The following TPST1 variants were observed in gnomAD, a reference collection of about 807,000 sequenced individuals.
TPST1 encodes protein-tyrosine sulfotransferase 1.
A neutral mutation model predicts 34.8 loss-of-function variants in TPST1; 20 were observed. The ratio of observed to expected loss-of-function variants is 0.57; its 90% confidence interval spans 0.40 to 0.84. The LOEUF is 0.84. Ranked by LOEUF, TPST1 falls within the 40% of genes least tolerant of loss-of-function variation. The probability of loss-of-function intolerance (pLI) is 0.00; values close to 1 mark genes in which losing one functional copy is unlikely to be tolerated. For synonymous variants in TPST1, 152 were observed against 159.4 expected (o/e 0.95, Z 0.35); for missense variants, 353 against 455.5 (o/e 0.78, Z 2.05).
chr7:66,208,673 T>G (rs1181630596), intron 1 of TPST1, among the ~76,000 whole-genome samples: 1 of 152,028 alleles, frequency 6.6e-6, no homozygotes, highest in Non-Finnish European at 1.5e-5. Context: ...TTCATCATGT[T>G]GGACAGGCTG....
At chr7:66,214,375 A>AT (rs1379760199) in intron 1 of TPST1, among the ~76,000 whole-genome samples, 4 of 150,824 alleles carry the variant, frequency 2.7e-5, no homozygotes, top group East Asian at 1.9e-4. Flanking sequence ...ATATTTACTA[A>AT]TTTTTTTGTA....
chr7:66,345,046 AAT>A (rs1404397584), intron 3 of TPST1, among the ~76,000 whole-genome samples: 1 of 152,016 alleles, frequency 6.6e-6, no homozygotes, highest in Admixed American at 6.6e-5. Context: ...AATTAAAAAA[AAT>A]ATGTGTATGT....
At chr7:66,296,779 T>C (rs1791210528) in intron 3 of TPST1, among the ~76,000 whole-genome samples, 1 of 145,316 alleles carries the variant, frequency 6.9e-6, no homozygotes, top group Admixed American at 7.1e-5. Flanking sequence ...TGGATAATCA[T>C]GCTTCATGGT....
Position 66,337,208 on chromosome 7 carries a change from A to C in TPST1, c.1045-15297A>C, listed in dbSNP as rs907470572. Among the ~76,000 whole-genome samples the C allele has an allele frequency of 1.5e-4, 23 of 152,300 alleles. No homozygotes were observed. In the East Asian group the frequency reaches 4.4e-3, roughly 29 times the overall value. ...GCAAAAGAAAGAAAACTCACTGGTA[A>C]AAGAAGACTTCTGAAAAATTCAGAA... On this transcript the variant is annotated intron_variant, in intron 3 of 5. Coordinates refer to ENST00000304842, the MANE Select transcript of TPST1 (RefSeq NM_003596.4).
At chr7:66,357,139 AGTATT>A (rs1792597932) in intron 5 of TPST1, among the ~76,000 whole-genome samples, 1 of 152,188 alleles carries the variant, frequency 6.6e-6, no homozygotes, top group African/African-American at 2.4e-5. Flanking sequence ...AGCGCACAAT[AGTATT>A]GTTATTTTCA....
intron 3 of TPST1, among the ~76,000 whole-genome samples, chr7:66,292,927 C>T (rs1452367034): frequency 2.0e-5 from 3 of 152,222 alleles, no homozygotes; most frequent in East Asian, 3.8e-4. Context: ...GGCCTAGTGG[C>T]CTGGCACGCT....
chr7:66,276,592 G>C (rs771282703), intron 2 of TPST1, among the ~76,000 whole-genome samples: 1 of 151,418 alleles, frequency 6.6e-6, no homozygotes, highest in African/African-American at 2.4e-5. Context: ...ATCTTTGAAG[G>C]CATTCTATTT....
intron 3 of TPST1, among the ~76,000 whole-genome samples, chr7:66,345,189 A>G (rs1792320344): frequency 6.6e-6 from 1 of 151,942 alleles, no homozygotes. Flanking sequence ...TAGAAAGTTA[A>G]GAAAACAAGC....
intron 2 of TPST1, among the ~76,000 whole-genome samples, chr7:66,273,964 A>T (rs1790754534): frequency 6.6e-6 from 1 of 151,974 alleles, no homozygotes; most frequent in African/African-American, 2.4e-5. Context: ...CACCATGCCC[A>T]ACTAATTTTT....
chr7:66,314,514 AAAAT>A (rs1390808176), intron 3 of TPST1, among the ~76,000 whole-genome samples: 1 of 152,252 alleles, frequency 6.6e-6, no homozygotes, highest in Non-Finnish European at 1.5e-5. Flanking sequence ...CCCTGTCTCA[AAAAT>A]AAATAAATTA....
chr7:66,238,081 C>T (rs1789947607), intron 1 of TPST1, among the ~76,000 whole-genome samples: 1 of 152,176 alleles, frequency 6.6e-6, no homozygotes, highest in Non-Finnish European at 1.5e-5. Flanking sequence ...TTCTTTTAAT[C>T]TGTAACTAAA....
At chr7:66,213,552 G>A (rs2116232912) in intron 1 of TPST1, among the ~76,000 whole-genome samples, 1 of 152,182 alleles carries the variant, frequency 6.6e-6, no homozygotes, top group Admixed American at 6.5e-5. Context: ...TCGGGAGATC[G>A]AGACCATCCT....
At chr7:66,306,274 G>T (rs910690961) in intron 3 of TPST1, among the ~76,000 whole-genome samples, 2 of 152,182 alleles carry the variant, frequency 1.3e-5, no homozygotes, top group East Asian at 3.8e-4. Flanking sequence ...ATTATACATT[G>T]TTTTGCCTTT....
intron 3 of TPST1, among the ~76,000 whole-genome samples, chr7:66,293,425 C>G (rs777204116): frequency 5.9e-5 from 9 of 152,044 alleles, no homozygotes; most frequent in Non-Finnish European, 1.0e-4. Context: ...ATTGATTGAG[C>G]CTGAGAGGTC....
intron 4 of TPST1, among the ~76,000 whole-genome samples, chr7:66,355,034 G>A (rs1414050910): frequency 6.6e-6 from 1 of 151,998 alleles, no homozygotes; most frequent in Admixed American, 6.6e-5. Flanking sequence ...GACCATAAGA[G>A]GACAGGATTT....
intron 1 of TPST1, among the ~76,000 whole-genome samples, chr7:66,207,567 T>C: frequency 6.6e-6 from 1 of 152,230 alleles, no homozygotes; most frequent in East Asian, 1.9e-4. Context: ...TTTCTTTTTT[T>C]ATTCTTCTCA....
intron 1 of TPST1, among the ~76,000 whole-genome samples, chr7:66,235,398 G>C (rs1789891856): frequency 6.6e-6 from 1 of 151,908 alleles, no homozygotes; most frequent in African/African-American, 2.4e-5. Context: ...TCTCAACCTA[G>C]TCTTTGTGAT....
intron 2 of TPST1, among the ~76,000 whole-genome samples, chr7:66,247,207 C>T (rs562931922): frequency 3.3e-5 from 5 of 152,292 alleles, no homozygotes; most frequent in Admixed American, 6.5e-5. Flanking sequence ...GTGGGCAGAT[C>T]ACCTGAGGGC....
Position 66,241,286 on chromosome 7 carries a change from GT to G in TPST1, c.845+22del. 6.3e-7 allele frequency: 1 copy of G among 1,579,674 alleles called. No individual in the cohort carries two copies. Among genetic ancestry groups the G allele is most frequent in the East Asian group, 2.2e-5 (1 of 44,570 alleles). On this transcript the variant is annotated intron_variant, in intron 2 of 5. Coordinates refer to ENST00000304842, the MANE Select transcript of TPST1 (RefSeq NM_003596.4). ...CTCTGTCAAAGTGAGTAGAAGATAC[GT>G]TTTTTATTTTGACTCTATATTTAGC...
Sources: gnomAD v4.1 joint callset for allele counts (sites outside exome capture counted in the v4.1 genomes callset) on GRCh38, gnomAD v4.1.1 for gene constraint, MANE v1.5 for transcripts, NCBI Gene and HGNC (gene_info 2026-07-23, HGNC 2026-07-21) for gene names.